The following HAL variants were observed in gnomAD, a reference collection of about 807,000 sequenced individuals.
HAL encodes the protein histidine ammonia-lyase.
HAL carries 85 observed loss-of-function variants against 81.1 expected under a neutral mutation model. The observed-to-expected ratio is 1.05, with a 90% CI of 0.88 to 1.25. The LOEUF is 1.25. HAL is among the 50% of genes most tolerant of loss of function. HAL has a pLI of 0.00. For missense variants in HAL, 798 were observed against 836.6 expected (o/e 0.95, Z 0.57); for synonymous variants, 301 against 309.2 (o/e 0.97, Z 0.28).
intron 14 of HAL, 61 bp downstream of exon 14, chr12:95,985,847 C>T: frequency 8.8e-7 from 1 of 1,136,378 alleles, no homozygotes; most frequent in Non-Finnish European, 1.3e-6. Flanking sequence ...CATCCTGAAC[C>T]TGGGGAAAGA....
At chr12:95,995,379 G>C (rs1022873410) in intron 2 of HAL, among the ~76,000 whole-genome samples, 7 of 152,164 alleles carry the variant, frequency 4.6e-5, no homozygotes, top group Non-Finnish European at 1.0e-4. Context: ...CAGACCTGCA[G>C]CCTTGAGTAC....
Position 95,987,121 on chromosome 12 carries a change from CA to C in HAL, c.996del (p.Ile332MetfsTer5). The C allele has an allele frequency of 6.2e-7, 1 of 1,611,812 alleles. No individual in the cohort carries two copies. The highest frequency in any genetic ancestry group is 2.2e-5 in the East Asian group (1 of 44,882). Reference protein sequence around the residue: ...RASAIARQADIVAALTLEVLK... With the variant: ...RASAIARQADXVAALTLEVLK... Reference sequence around the variant, plus strand: ...AGCACCTCAAGGGTCAGGGCTGCCACAATGTCAGCCTGCCGTGCAATAGCAC... The same window carrying C: ...AGCACCTCAAGGGTCAGGGCTGCCACATGTCAGCCTGCCGTGCAATAGCAC... On this transcript the variant is annotated frameshift_variant, in exon 12 of 21. Transcript: ENST00000261208. LOFTEE classifies it high-confidence loss of function.
chr12:95,987,517 G>A (rs1462758701), intron 11 of HAL, among the ~76,000 whole-genome samples: 1 of 151,964 alleles, frequency 6.6e-6, no homozygotes, highest in Non-Finnish European at 1.5e-5. Flanking sequence ...TAGTGCATTA[G>A]GTTGCATTTC....
chr12:95,985,624 C>CAAAAAA (rs56285140), intron 14 of HAL, among the ~76,000 whole-genome samples: 1 of 77,214 alleles, frequency 1.3e-5, no homozygotes, highest in African/African-American at 5.3e-5. Flanking sequence ...TTGTCTGTCT[C>CAAAAAA]AAAAAAAAAA....
rs151224680 is a variant in HAL, at chr12:95,980,976, G to A, written c.1288-113C>T. The A allele has an allele frequency of 9.8e-4, 750 of 766,764 alleles. 1 individual carries two copies. The highest frequency in any genetic ancestry group is 1.6e-3 in the Non-Finnish European group (655 of 420,422). 47.5% of individuals were successfully genotyped at this position (766,764 alleles called of 1,614,324 possible). On this transcript the variant is annotated intron_variant, in intron 15 of 20. Coordinates refer to ENST00000261208, the MANE Select transcript of HAL (RefSeq NM_002108.4). ...GGCAGTCTGTGTACAAATGTGGGGT[G>A]GAGGGAAAGAGACAAGTCTTCCTGC...
At chr12:95,979,002 C>T (rs889154597) in intron 17 of HAL, among the ~76,000 whole-genome samples, 9 of 152,150 alleles carry the variant, frequency 5.9e-5, no homozygotes, top group Admixed American at 2.0e-4. Flanking sequence ...AGTCCCAAGT[C>T]CTTGGACCCT....
chr12:95,985,884 C>T (rs199756682), intron 14 of HAL, 24 bp downstream of exon 14: 1 of 1,523,672 alleles, frequency 6.6e-7, no homozygotes. Flanking sequence ...TTTTTATTGA[C>T]CTTTTTTTTT....
In HAL at chr12:95,978,068, G is replaced by T. The variant is rs190801813; in HGVS notation, c.1530C>A (p.Asn510Lys). Residue 510 changes from asparagine to lysine, a missense_variant, in exon 18 of 21, where the codon AAC (asparagine) becomes AAA (lysine). Physicochemically the swap from Asn to Lys is moderately conservative, Grantham distance 94. Coordinates refer to ENST00000261208, the MANE Select transcript of HAL (RefSeq NM_002108.4). Reference protein sequence around the residue: ...HCTAAALVSENKALCHPSSVD... With the variant: ...HCTAAALVSEKKALCHPSSVD... Reference sequence around the variant, plus strand: ...CAGACGAGGGATGGCACAGAGCCTTGTTCTCAGAAACTGCAAGAGACCAGT... The same window carrying T: ...CAGACGAGGGATGGCACAGAGCCTTTTTCTCAGAAACTGCAAGAGACCAGT... 4 of 1,613,704 alleles carry T rather than the reference G, an allele frequency of 2.5e-6. No individual in the cohort carries two copies. The East Asian group carries it at 8.9e-5, about 36-fold the overall frequency.
Position 95,993,809 on chromosome 12 carries a change from T to C in HAL, c.514A>G (p.Lys172Glu). The change falls in exon 7 of 21, where the codon AAA becomes GAA. Residue 172 changes from lysine (K) to glutamate (E), a missense_variant. Lys to Glu is a moderately conservative substitution (Grantham distance 56). Transcript: ENST00000261208. ...VVYGITTGFGKFARTVIPINK... is the reference protein window; with the variant it reads ...VVYGITTGFGEFARTVIPINK... ...ATAGGAATTACAGTTCTGGCAAATT[T>C]CCCAAAACCTGTAGTAATACCGTAA... is the stretch of plus-strand genomic sequence containing the variant. 6.3e-7 allele frequency: 1 copy of C among 1,582,318 alleles called. No individual in the cohort carries two copies. The highest frequency in any genetic ancestry group is 8.7e-7 in the Non-Finnish European group (1 of 1,151,112).
chr12:95,973,997 G>T lies in HAL; in HGVS notation c.*235C>A. On this transcript the variant is annotated 3_prime_UTR_variant, in exon 21 of 21. Transcript: ENST00000261208. ...CCTGTTGAAACTGTTAAGAAAGAAA[G>T]AAAAGTTTTATAATCTGAAAATACC... 1 of 565,078 alleles carries T rather than the reference G, an allele frequency of 1.8e-6. No individual in the cohort carries two copies. Among genetic ancestry groups the T allele is most frequent in the Non-Finnish European group, 3.2e-6 (1 of 316,740 alleles). 35.0% of individuals were successfully genotyped at this position (565,078 alleles called of 1,614,324 possible).
chr12:95,980,765 CT>C, intron 16 of HAL, 32 bp downstream of exon 16: 2 of 1,604,156 alleles, frequency 1.2e-6, no homozygotes, highest in African/African-American at 1.3e-5. Flanking sequence ...TGAAATGTGC[CT>C]TCTGGGTCAG....
rs543239184 is a variant in HAL at position 95,974,424 on chromosome 12, A to G, written c.1834-52T>C. The G allele has an allele frequency of 9.3e-5, 145 of 1,552,320 alleles. 2 individuals are homozygous for G. In the South Asian group the frequency reaches 1.5e-3, roughly 16 times the overall value. On this transcript the variant is annotated intron_variant, in intron 20 of 20. Coordinates refer to ENST00000261208, the MANE Select transcript of HAL (RefSeq NM_002108.4). ...GAAATATTGACGACATTGTTTCCAC[A>G]TGCTATTAAACATCAACTTCATCCG... is the stretch of plus-strand genomic sequence containing the variant.
rs768404937 is a variant in HAL at position 95,995,950 on chromosome 12, G to C, written c.-40C>G. On this transcript the variant is annotated 5_prime_UTR_variant, in exon 2 of 21. Transcript: ENST00000261208. Reference sequence around the variant, plus strand: ...CTGAGGTCCTCAGCTGGTCACAGGAGGGGAGAGCTTTATGCAGGAGTGGCT... The same window carrying C: ...CTGAGGTCCTCAGCTGGTCACAGGACGGGAGAGCTTTATGCAGGAGTGGCT... The C allele has an allele frequency of 5.0e-6, 8 of 1,598,168 alleles. No homozygotes were observed. The highest frequency in any genetic ancestry group is 1.7e-5 in the Admixed American group (1 of 59,916).
chr12:95,995,976 A>G lies in HAL; in HGVS notation c.-66T>C. On this transcript the variant is annotated 5_prime_UTR_variant, in exon 2 of 21. It removes the in-frame stop codon of an upstream open reading frame in the 5' UTR. Coordinates refer to ENST00000261208, the MANE Select transcript of HAL (RefSeq NM_002108.4). ...GGGAGAGCTTTATGCAGGAGTGGCT[A>G]CCGGGGTGTGGTCAGCTGGAAGGAT... The G allele has an allele frequency of 6.4e-7, 1 of 1,553,200 alleles. No homozygotes were observed. The highest frequency in any genetic ancestry group is 2.2e-5 in the East Asian group (1 of 44,478).
chr12:95,985,136 A>T (rs1949865830), intron 14 of HAL, among the ~76,000 whole-genome samples: 1 of 152,250 alleles, frequency 6.6e-6, no homozygotes, highest in African/African-American at 2.4e-5. Flanking sequence ...TATAACCATT[A>T]CTATGCACCT....
Position 95,987,197 on chromosome 12 carries a change from A to G in HAL, c.921T>C (p.Asn307=), listed in dbSNP as rs11108364. The G allele has an allele frequency of 0.061, 98,335 of 1,613,544 alleles. 3,984 individuals are homozygous for G. The highest frequency in any genetic ancestry group is 0.19 in the African/African-American group (14,094 of 74,946). Residue 307 remains asparagine, a synonymous_variant, in exon 12 of 21, where the codon AAT becomes AAC. Transcript: ENST00000261208. ...CCAGGGATGTGATCATCTGCGTCCC[A>G]TTGATGAGTGCCAGGCCCTGTCGGG... ...LKPKEGLALI[N]GTQMITSLGC...
chr12:95,995,083 T>A, intron 2 of HAL, 90 bp from the exon 3 acceptor site: 2 of 961,318 alleles, frequency 2.1e-6, no homozygotes, highest in Non-Finnish European at 3.4e-6. Flanking sequence ...CATTGGCCCA[T>A]GAATTCTATA....
intron 12 of HAL, among the ~76,000 whole-genome samples, chr12:95,986,573 C>T (rs74907794): frequency 0.012 from 1,871 of 152,248 alleles, 32 homozygotes; most frequent in African/African-American, 0.043. Context: ...AGGAACAGGG[C>T]GAATAACAGG....
At chr12:95,974,865 G>A (rs2080697817) in intron 20 of HAL, among the ~76,000 whole-genome samples, 1 of 152,078 alleles carries the variant, frequency 6.6e-6, no homozygotes, top group South Asian at 2.1e-4. Context: ...TCAGCCTCCT[G>A]AGTAGCTGGG....
Sources: gnomAD v4.1 joint callset for allele counts (sites outside exome capture counted in the v4.1 genomes callset) on GRCh38, gnomAD v4.1.1 for gene constraint, MANE v1.5 for transcripts, NCBI Gene and HGNC (gene_info 2026-07-23, HGNC 2026-07-21) for gene names.